The following RBFOX2 variants were observed in gnomAD, a reference collection of about 807,000 sequenced individuals.
RBFOX2 encodes the protein RNA binding protein fox-1 homolog 2.
A neutral mutation model predicts 49.1 loss-of-function variants in RBFOX2; 10 were observed. That is an observed-to-expected ratio of 0.20 (90% CI 0.13 to 0.35). The LOEUF is 0.35. Among genes scored for constraint, RBFOX2 ranks in the 10% least tolerant of loss-of-function variants. RBFOX2 has a pLI of 1.00. For missense variants in RBFOX2, 323 were observed against 486.9 expected (o/e 0.66, Z 3.17); for synonymous variants, 183 against 187.4 (o/e 0.98, Z 0.19).
chr22:35,907,652 C>T (rs1045051842), intron 1 of RBFOX2, among the ~76,000 whole-genome samples: 3 of 151,810 alleles, frequency 2.0e-5, no homozygotes, highest in African/African-American at 7.3e-5. Flanking sequence ...AATCAAAACT[C>T]GATTTTTTTT....
intron 1 of RBFOX2, among the ~76,000 whole-genome samples, chr22:36,005,621 G>C (rs2058591585): frequency 6.6e-6 from 1 of 152,158 alleles, no homozygotes; most frequent in African/African-American, 2.4e-5. Flanking sequence ...CCTAACCCTA[G>C]TGCCTTCCAC....
intron 1 of RBFOX2, among the ~76,000 whole-genome samples, chr22:36,012,488 G>A (rs1273807183): frequency 6.6e-6 from 1 of 152,156 alleles, no homozygotes; most frequent in Non-Finnish European, 1.5e-5. Flanking sequence ...GGAAGGCTGA[G>A]GTGGCAGAAT....
intron 11 of RBFOX2, among the ~76,000 whole-genome samples, chr22:35,744,723 G>A (rs1931766470): frequency 6.6e-6 from 1 of 152,188 alleles, no homozygotes; most frequent in Non-Finnish European, 1.5e-5. Flanking sequence ...TTGAGATGGT[G>A]CCACATCTAA....
chr22:35,748,798 C>T (rs879813579), intron 9 of RBFOX2, among the ~76,000 whole-genome samples: 2 of 152,180 alleles, frequency 1.3e-5, no homozygotes, highest in Non-Finnish European at 2.9e-5. Flanking sequence ...AAGTCTTATG[C>T]CATACGGCAG....
At chr22:35,857,030 T>G (rs2042593322) in intron 1 of RBFOX2, among the ~76,000 whole-genome samples, 1 of 152,152 alleles carries the variant, frequency 6.6e-6, no homozygotes, top group Non-Finnish European at 1.5e-5. Flanking sequence ...AGACTCCGTC[T>G]CCAAAAGGAA....
chr22:35,968,000 T>C (rs1315127367), intron 1 of RBFOX2, among the ~76,000 whole-genome samples: 1 of 152,172 alleles, frequency 6.6e-6, no homozygotes, highest in Non-Finnish European at 1.5e-5. Flanking sequence ...TGTATATGTA[T>C]ACACATATGC....
intron 1 of RBFOX2, among the ~76,000 whole-genome samples, chr22:35,897,018 C>T (rs963425128): frequency 6.6e-6 from 1 of 152,232 alleles, no homozygotes; most frequent in Non-Finnish European, 1.5e-5. Context: ...CACCAACACT[C>T]CCCATACCAT....
Position 36,014,335 on chromosome 22 carries a change from C to A in RBFOX2, c.186+13905G>T, listed in dbSNP as rs540117447. ...GACGGGGTTTCACCGTGGTCTCGAT[C>A]TCCTGACCTCGTGATCCGCCCGCCT... On this transcript the variant is annotated intron_variant, in intron 1 of 13. Transcript: ENST00000438146. 9.9e-5 allele frequency among the ~76,000 whole-genome samples: 15 copies of A among 152,198 alleles called. No homozygotes were observed. The South Asian group carries it at 3.1e-3, about 32-fold the overall frequency.
At chr22:35,942,723 T>TAA (rs35497151), upstream of RBFOX2, among the ~76,000 whole-genome samples, 7 of 129,658 alleles carry the variant, frequency 5.4e-5, no homozygotes, top group African/African-American at 1.4e-4. Flanking sequence ...TCCCATCTCT[T>TAA]AAAAAAAAAA....
rs144063701 is a variant in RBFOX2, at chr22:35,915,760, C to T, written c.-34+23087G>A. 1.7e-3 allele frequency among the ~76,000 whole-genome samples: 253 copies of T among 152,236 alleles called. 1 individual carries two copies. The Middle Eastern group carries it at 0.02, about 12-fold the overall frequency. ...GTTCACCTTAATACGGCACCAGAAA[C>T]GAGGAGTAAGCCATACCCTCTCCCA... On this transcript the variant is annotated intron_variant, in intron 1 of 13. Transcript: ENST00000359369.
intron 2 of RBFOX2, 70 bp from the exon 4 acceptor site, chr22:35,781,816 G>A: frequency 6.3e-7 from 1 of 1,592,406 alleles, no homozygotes; most frequent in Non-Finnish European, 8.6e-7. Context: ...TCCCCCCACA[G>A]CAATCATCCC....
At chr22:35,975,251 T>C (rs1484360423) in intron 1 of RBFOX2, among the ~76,000 whole-genome samples, 1 of 152,184 alleles carries the variant, frequency 6.6e-6, no homozygotes, top group East Asian at 1.9e-4. Flanking sequence ...AACAGCAAAC[T>C]AGTATCAGTC....
chr22:35,781,858 T>C (rs1371394783), intron 2 of RBFOX2, 112 bp from the exon 4 acceptor site: 19 of 1,276,788 alleles, frequency 1.5e-5, no homozygotes, highest in Non-Finnish European at 2.0e-5. Flanking sequence ...AAAATCACAG[T>C]AGTCCCTTCA....
chr22:35,983,831 C>G (rs1286765495), intron 1 of RBFOX2, among the ~76,000 whole-genome samples: 1 of 152,166 alleles, frequency 6.6e-6, no homozygotes, highest in African/African-American at 2.4e-5. Context: ...TTACATGTGA[C>G]TAGAAAGCTA....
At chr22:35,769,197 A>G (rs1197153626) in intron 4 of RBFOX2, among the ~76,000 whole-genome samples, 1 of 152,154 alleles carries the variant, frequency 6.6e-6, no homozygotes, top group East Asian at 1.9e-4. Context: ...TATAGAGAAA[A>G]AAGGAACAGT....
At chr22:35,764,359 C>T (rs1469347276) in intron 6 of RBFOX2, among the ~76,000 whole-genome samples, 8 of 151,924 alleles carry the variant, frequency 5.3e-5, no homozygotes, top group Non-Finnish European at 8.8e-5. Context: ...CCACGGTGGG[C>T]GGATCACGAG....
intron 1 of RBFOX2, among the ~76,000 whole-genome samples, chr22:36,010,577 G>A (rs144447775): frequency 1.2e-3 from 185 of 151,990 alleles, no homozygotes; most frequent in African/African-American, 4.0e-3. Context: ...ATATTCTCAC[G>A]GAGAAAAAGG....
chr22:35,875,607 G>GGTGTGTGT lies in RBFOX2; in HGVS notation c.-34+63232_-34+63239dup, dbSNP rs56137825. 5.2e-3 allele frequency among the ~76,000 whole-genome samples: 617 copies of GGTGTGTGT among 117,704 alleles called. 15 individuals carry two copies. The highest frequency in any genetic ancestry group is 9.2e-3 in the East Asian group (36 of 3,898). 77.2% of individuals were successfully genotyped at this position (117,704 alleles called of 152,430 possible). ...CTGCGAATTAATAAATGCTCACAAGGGTGTGTGTGTGTGTGTGTGTGTGTG... is the reference window on the plus strand; with the variant it reads ...CTGCGAATTAATAAATGCTCACAAGGGTGTGTGTGTGTGTGTGTGTGTGTGTGTGTGTG... On this transcript the variant is annotated intron_variant, in intron 1 of 13. Coordinates refer to the RBFOX2 transcript ENST00000359369.
At chr22:35,886,122 C>G (rs1316711072) in intron 1 of RBFOX2, among the ~76,000 whole-genome samples, 1 of 152,036 alleles carries the variant, frequency 6.6e-6, no homozygotes, top group East Asian at 1.9e-4. Context: ...TCCCAAAGTG[C>G]TGGGATTACA....
Sources: gnomAD v4.1 joint callset for allele counts (sites outside exome capture counted in the v4.1 genomes callset) on GRCh38, gnomAD v4.1.1 for gene constraint, MANE v1.5 for transcripts, NCBI Gene and HGNC (gene_info 2026-07-23, HGNC 2026-07-21) for gene names.